The following SUGP2 variants were observed in gnomAD, a reference collection of about 807,000 sequenced individuals.
The protein encoded by SUGP2 is SURP and G-patch domain containing 2.
A neutral mutation model predicts 90.5 loss-of-function variants in SUGP2; 24 were observed. The ratio of observed to expected loss-of-function variants is 0.27; its 90% confidence interval spans 0.19 to 0.37. SUGP2 has a LOEUF of 0.37. Ranked by LOEUF, SUGP2 falls within the 10% of genes least tolerant of loss-of-function variation. SUGP2 has a pLI of 1.00. For synonymous variants in SUGP2, 473 were observed against 513.4 expected (o/e 0.92, Z 1.06); for missense variants, 1,233 against 1,363.3 (o/e 0.90, Z 1.51).
rs1395378852 is a variant in SUGP2, at chr19:19,008,389, C to G, written c.2378G>C (p.Arg793Thr). 1 of 1,614,106 alleles carries G rather than the reference C, an allele frequency of 6.2e-7. No individual in the cohort carries two copies. Among genetic ancestry groups the G allele is most frequent in the Admixed American group, 1.7e-5 (1 of 60,010 alleles). The part of the protein sequence containing the change: ...KTMETAEKLA[R>T]FVAQVGPEIE... ...CTCTGGTCCCACCTGAGCAACAAAT[C>G]TAGCCAGTTTCTCTGCAGTCTCCAT... Residue 793 changes from arginine to threonine, a missense_variant, in exon 6 of 11, where the codon AGA (arginine) becomes ACA (threonine). Coordinates refer to ENST00000452918, the MANE Select transcript of SUGP2 (RefSeq NM_001017392.5).
chr19:19,033,347 A>G (rs968288324), intron 1 of SUGP2, 90 bp downstream of exon 1: 6 of 1,142,678 alleles, frequency 5.3e-6, no homozygotes, highest in Non-Finnish European at 4.3e-6. Context: ...CTGCGACGCC[A>G]TCACGGAGCC....
chr19:19,020,592 C>G (rs958837873), intron 3 of SUGP2, among the ~76,000 whole-genome samples: 2 of 151,502 alleles, frequency 1.3e-5, no homozygotes. Flanking sequence ...TACAGACATG[C>G]GCCACCACGT....
At position 19,019,181 on chromosome 19, in the gene SUGP2, A is replaced by G; in HGVS notation, c.1778T>C (p.Leu593Pro). 1 of 1,614,146 alleles carries G rather than the reference A, an allele frequency of 6.2e-7. No individual in the cohort carries two copies. Among genetic ancestry groups the G allele is most frequent in the African/African-American group, 1.3e-5 (1 of 75,058 alleles). Reference protein sequence around the residue: ...DHRVVGTIDQLVKRVIEGSLS... With the variant: ...DHRVVGTIDQPVKRVIEGSLS... ...GCTGCCTTCGATGACACGTTTCACA[A>G]GCTGGTCGATGGTGCCCACTACCCT... The change falls in exon 4 of 11, where the codon CTT (leucine) becomes CCT (proline). Residue 593 changes from leucine (L) to proline (P), a missense_variant. Physicochemically the swap from Leu to Pro is moderately conservative, Grantham distance 98 (BLOSUM62 -3). Around this residue, in one of 8 missense-constraint regions of SUGP2, gnomAD observed 540 missense variants for 542.6 expected, o/e 1.00. Coordinates refer to ENST00000452918, the MANE Select transcript of SUGP2 (RefSeq NM_001017392.5).
chr19:19,028,515 G>A (rs551472597), intron 2 of SUGP2, among the ~76,000 whole-genome samples: 1 of 152,356 alleles, frequency 6.6e-6, no homozygotes, highest in Non-Finnish European at 1.5e-5. Context: ...ATTAGTGACA[G>A]AGAGTGATGG....
chr19:19,010,527 C>A (rs1333116927), intron 4 of SUGP2, among the ~76,000 whole-genome samples, 185 bp from the exon 5 acceptor site: 4 of 152,194 alleles, frequency 2.6e-5, no homozygotes, highest in African/African-American at 9.7e-5. Flanking sequence ...CTAAGAGTGA[C>A]CACAGGGCAA....
At chr19:19,022,615 C>T (rs1369289972) in intron 3 of SUGP2, among the ~76,000 whole-genome samples, 1 of 152,162 alleles carries the variant, frequency 6.6e-6, no homozygotes, top group East Asian at 1.9e-4. Context: ...ACAGGGGGAA[C>T]ATCAAAGACT....
rs2057511796 is a variant in SUGP2, at chr19:18,994,903, T to C, written c.3128+241A>G. The stretch of plus-strand genomic sequence containing the variant: ...ACTTAGCTTTTATGATGGTCACAAA[T>C]GTGGCCAAAATGACCAGGGCCAACA... On this transcript the variant is annotated intron_variant, in intron 9 of 10. Transcript: ENST00000452918. 7 of 592,842 alleles carry C rather than the reference T, an allele frequency of 1.2e-5. No individual in the cohort carries two copies. The Middle Eastern group carries it at 7.8e-4, about 66-fold the overall frequency. 36.7% of individuals were successfully genotyped at this position (592,842 alleles called of 1,614,324 possible).
rs1343797545 is a variant in SUGP2, at chr19:19,004,404, T to C, written c.2693A>G (p.Asp898Gly). 8 of 1,614,002 alleles carry C rather than the reference T, an allele frequency of 5.0e-6. No homozygotes were observed. In the African/African-American group the frequency reaches 8.0e-5, roughly 16 times the overall value. ...PEVMPEEEDE[D>G]DEDGGEEAPA... ...GGCCTCCTCTCCCCCATCCTCATCG[T>C]CCTCGTCCTCCTCCTCAGGCATCAC... Residue 898 changes from aspartate to glycine, a missense_variant, in exon 7 of 11, where the codon GAC becomes GGC. Asp to Gly is a moderately conservative substitution (Grantham distance 94). Around this residue, in one of 8 missense-constraint regions of SUGP2, gnomAD observed 540 missense variants for 542.6 expected, o/e 1.00. Coordinates refer to ENST00000452918, the MANE Select transcript of SUGP2 (RefSeq NM_001017392.5).
intron 5 of SUGP2, among the ~76,000 whole-genome samples, 159 bp downstream of exon 5, chr19:19,009,694 AAG>A (rs1390773684): frequency 6.6e-6 from 1 of 152,176 alleles, no homozygotes; most frequent in East Asian, 1.9e-4. Flanking sequence ...TCAAGAAAGC[AAG>A]AGAGAAAGCG....
chr19:19,004,685 A>C (rs1406260319), intron 6 of SUGP2, 39 bp from the exon 7 acceptor site: 10 of 1,469,554 alleles, frequency 6.8e-6, no homozygotes, highest in Non-Finnish European at 9.3e-6. Flanking sequence ...ACCAGATGGA[A>C]TCTCTCAACA....
At position 19,025,393 on chromosome 19, in the gene SUGP2, T is replaced by G. The variant is rs753112571; in HGVS notation, c.955A>C (p.Ile319Leu). 27 of 1,614,060 alleles carry G rather than the reference T, an allele frequency of 1.7e-5. No individual in the cohort carries two copies. The highest frequency in any genetic ancestry group is 2.1e-5 in the Non-Finnish European group (25 of 1,180,046). The change falls in exon 3 of 11, where the codon ATA becomes CTA. Residue 319 changes from isoleucine to leucine, a missense_variant. Physicochemically the swap from Ile to Leu is conservative, Grantham distance 5 (BLOSUM62 2). Coordinates refer to ENST00000452918, the MANE Select transcript of SUGP2 (RefSeq NM_001017392.5). Reference sequence around the variant, plus strand: ...CTTGAAAAAACATCAGACTTATCTATGATGTCAAAGCTCATCTTTCTTCTG... The same window carrying G: ...CTTGAAAAAACATCAGACTTATCTAGGATGTCAAAGCTCATCTTTCTTCTG... ...LPRRKMSFDIIDKSDVFSRFG... is the reference protein window; with the variant it reads ...LPRRKMSFDILDKSDVFSRFG...
intron 4 of SUGP2, among the ~76,000 whole-genome samples, chr19:19,018,736 TAAGCAA>T (rs887637627): frequency 4.7e-5 from 7 of 149,384 alleles, no homozygotes; most frequent in Non-Finnish European, 1.0e-4. Context: ...AAGAGGCAAT[TAAGCAA>T]AAGACAGTTT....
intron 4 of SUGP2, among the ~76,000 whole-genome samples, chr19:19,014,665 G>A (rs890740121): frequency 9.9e-5 from 15 of 151,872 alleles, no homozygotes; most frequent in African/African-American, 3.6e-4. Flanking sequence ...GCTGAATGCG[G>A]TGGTGTACTC....
intron 4 of SUGP2, among the ~76,000 whole-genome samples, chr19:19,010,926 G>C (rs561108045): frequency 6.6e-6 from 1 of 151,920 alleles, no homozygotes; most frequent in Non-Finnish European, 1.5e-5. Context: ...GATTGCTTGA[G>C]CCCAGGAGTT....
At position 19,025,568 on chromosome 19, in the gene SUGP2, A is replaced by G. The variant is rs1311217820; in HGVS notation, c.780T>C (p.Arg260=). 5.0e-6 allele frequency: 8 copies of G among 1,613,866 alleles called. No homozygotes were observed. The highest frequency in any genetic ancestry group is 4.2e-6 in the Non-Finnish European group (5 of 1,180,006). ...TAGTGCCCTGAGTTTTGGGAGTAAT[A>G]CGATTCACGGTGGGTATTTTTTTTG... ...VSTKKIPTVN[R]ITPKTQGTNQ... Residue 260 remains arginine (R), a synonymous_variant, in exon 3 of 11, where the codon CGT becomes CGC. Transcript: ENST00000452918.
intron 6 of SUGP2, 84 bp from the exon 7 acceptor site, chr19:19,004,730 G>T: frequency 8.7e-7 from 1 of 1,152,518 alleles, no homozygotes; most frequent in Middle Eastern, 2.3e-4. Flanking sequence ...ATTGATCCAA[G>T]GAAGGTGGAG....
At chr19:19,019,316 T>G (rs1344428081) in intron 3 of SUGP2, 87 bp from the exon 4 acceptor site, 3 of 1,451,478 alleles carry the variant, frequency 2.1e-6, no homozygotes, top group Non-Finnish European at 2.8e-6. Flanking sequence ...GGGGGCTTAG[T>G]GCTGAACCCA....
At chr19:19,008,652 T>C (rs1451936413) in intron 5 of SUGP2, among the ~76,000 whole-genome samples, 2 of 152,156 alleles carry the variant, frequency 1.3e-5, no homozygotes, top group African/African-American at 4.8e-5. Context: ...TAGAATGTGG[T>C]GGAAAAGCCC....
rs1400002576 is a variant in SUGP2, at chr19:19,004,191, A to T, written c.2906T>A (p.Val969Glu). Reference protein sequence around the residue: ...KVGMIPAPKRVCLIQEPKVHE... With the variant: ...KVGMIPAPKRECLIQEPKVHE... ...ACCTTTTGGCTCCTGGATGAGACAC[A>T]CTCTCTTGGGAGCTGGAATCATGCC... is the stretch of plus-strand genomic sequence containing the variant. The change falls in exon 7 of 11, where the codon GTG (valine) becomes GAG (glutamate). Residue 969 changes from valine (V) to glutamate (E), a missense_variant. By Grantham distance (121) the Val-to-Glu change is moderately radical. Coordinates refer to ENST00000452918, the MANE Select transcript of SUGP2 (RefSeq NM_001017392.5). 6.4e-7 allele frequency: 1 copy of T among 1,570,518 alleles called. No homozygotes were observed. Among genetic ancestry groups the T allele is most frequent in the Admixed American group, 1.8e-5 (1 of 55,420 alleles).
Sources: gnomAD v4.1 joint callset for allele counts (sites outside exome capture counted in the v4.1 genomes callset) on GRCh38, gnomAD v4.1.1 for gene constraint, gnomAD v4.1.1 regional missense constraint, MANE v1.5 for transcripts, NCBI Gene and HGNC (gene_info 2026-07-23, HGNC 2026-07-21) for gene names.